Variants in ARHGAP28 observed in about 807,000 individuals in gnomAD.
The protein encoded by ARHGAP28 is Rho GTPase activating protein 28, also known as rho GTPase-activating protein 28.
ARHGAP28 carries 56 observed loss-of-function variants against 90.7 expected under a neutral mutation model. The observed-to-expected ratio is 0.62, with a 90% CI of 0.50 to 0.77. The LOEUF (loss-of-function observed/expected upper bound fraction) is 0.77. Ranked by LOEUF, ARHGAP28 falls within the 30% of genes least tolerant of loss-of-function variation. The probability of loss-of-function intolerance (pLI) is 0.00; values close to 1 mark genes in which losing one functional copy is unlikely to be tolerated. For synonymous variants in ARHGAP28, 308 were observed against 323.3 expected (o/e 0.95, Z 0.51); for missense variants, 869 against 900.9 (o/e 0.96, Z 0.45).
rs1187204751 is a variant in ARHGAP28 at position 6,876,156 on chromosome 18, G to A, written c.1238G>A (p.Gly413Asp). 2 of 1,613,870 alleles carry A rather than the reference G, an allele frequency of 1.2e-6. No homozygotes were observed. Among genetic ancestry groups the A allele is most frequent in the South Asian group, 1.1e-5 (1 of 91,078 alleles). ...TTTTTTGAGAAAGTTGAGGAATCAG[G>A]TCTGGAATCTGAAGGAATTTTTCGA... ...QKFFEKVEES[G>D]LESEGIFRLS... Residue 413 changes from glycine to aspartate, a missense_variant, in exon 10 of 18, where the codon GGT (glycine) becomes GAT (aspartate). Coordinates refer to ENST00000383472, the MANE Select transcript of ARHGAP28 (RefSeq NM_001366230.1).
intron 1 of ARHGAP28, among the ~76,000 whole-genome samples, chr18:6,782,592 ATTT>A (rs10602816): frequency 3.7e-5 from 1 of 26,690 alleles, no homozygotes; most frequent in African/African-American, 9.9e-5. Flanking sequence ...TAATTTTTGT[ATTT>A]TTTTTTTTTT....
At chr18:6,896,242 C>G (rs537475327) in intron 15 of ARHGAP28, among the ~76,000 whole-genome samples, 1 of 152,248 alleles carries the variant, frequency 6.6e-6, no homozygotes, top group African/African-American at 2.4e-5. Context: ...TTGTCATAAC[C>G]CAGTTTTTCC....
chr18:6,786,457 G>A (rs2056365456), intron 1 of ARHGAP28, among the ~76,000 whole-genome samples: 1 of 152,106 alleles, frequency 6.6e-6, no homozygotes, highest in South Asian at 2.1e-4. Flanking sequence ...GCAGTCCTCA[G>A]GAAGGAAGAG....
intron 1 of ARHGAP28, among the ~76,000 whole-genome samples, chr18:6,782,570 A>G (rs969295411): frequency 7.4e-6 from 1 of 135,302 alleles, no homozygotes; most frequent in Non-Finnish European, 1.5e-5. Context: ...GGCACCTGCC[A>G]TCACGCCCAG....
At chr18:6,849,312 A>G (rs1198369545) in intron 3 of ARHGAP28, among the ~76,000 whole-genome samples, 2 of 151,840 alleles carry the variant, frequency 1.3e-5, no homozygotes, top group Non-Finnish European at 2.9e-5. Context: ...ACACATGAAG[A>G]AACTTCTCAC....
chr18:6,898,428 G>A, intron 16 of ARHGAP28: 2 of 1,461,360 alleles, frequency 1.4e-6, no homozygotes, highest in Non-Finnish European at 1.9e-6. Context: ...TTTTCCACTT[G>A]CTCCAAGAAT....
At chr18:6,841,140 CACTGTCTCTCTCCTCTT>C (rs1395860491) in intron 3 of ARHGAP28, among the ~76,000 whole-genome samples, 35 of 138,318 alleles carry the variant, frequency 2.5e-4, no homozygotes, top group African/African-American at 8.7e-4. Flanking sequence ...TCTCCTCTCT[CACTGTCTCTCTCCTCTT>C]TCTCTCTCTC....
In ARHGAP28 at chr18:6,912,100, A is replaced by G. The variant is rs77144998; in HGVS notation, c.2136A>G (p.Val712=). 4,181 of 1,609,300 alleles carry G rather than the reference A, an allele frequency of 2.6e-3. 96 individuals carry two copies. The African/African-American group carries it at 0.045, about 17-fold the overall frequency. Residue 712 remains valine, a synonymous_variant, in exon 18 of 18, where the codon GTA becomes GTG. Coordinates refer to ENST00000383472, the MANE Select transcript of ARHGAP28 (RefSeq NM_001366230.1). ...CLDPDAYILD[V]YRINPQAEWV... is the part of the protein sequence containing the mutation. ...ATCCAGATGCTTATATATTGGATGT[A>G]TATCGTATAAATCCTCAAGCAGAAT...
rs1437705395 is a variant in ARHGAP28, at chr18:6,870,603, G to A, written c.825G>A (p.Leu275=). 2.5e-6 allele frequency: 4 copies of A among 1,611,136 alleles called. No individual in the cohort carries two copies. The highest frequency in any genetic ancestry group is 3.4e-6 in the Non-Finnish European group (4 of 1,178,416). The change falls in exon 7 of 18, where the codon CTG becomes CTA. Residue 275 remains leucine (L), a synonymous_variant. Coordinates refer to ENST00000383472, the MANE Select transcript of ARHGAP28 (RefSeq NM_001366230.1). ...VQNAISDDDF[L]EKNIPPEAEE... Reference sequence around the variant, plus strand: ...TTTTGTCTTTAGATGATGATTTTCTGGAAAAGAACATTCCACCAGAGGCTG... The same window carrying A: ...TTTTGTCTTTAGATGATGATTTTCTAGAAAAGAACATTCCACCAGAGGCTG...
intron 1 of ARHGAP28, among the ~76,000 whole-genome samples, chr18:6,816,686 G>A (rs115621961): frequency 1.4e-3 from 207 of 152,284 alleles, no homozygotes; most frequent in African/African-American, 4.7e-3. Flanking sequence ...CCCTGTACAT[G>A]TAGGTGGGGA....
rs8084111 is a variant in ARHGAP28, at chr18:6,783,819, A to T, written c.123-40943A>T. On this transcript the variant is annotated intron_variant, in intron 1 of 17. Transcript: ENST00000383472. ...ATGTTTATTCCCCTTTCCCATCCCT[A>T]GGAAAACTGCGTTCCTCTATTCTGT... 9.5e-4 allele frequency among the ~76,000 whole-genome samples: 144 copies of T among 152,014 alleles called. 1 individual carries two copies. Among genetic ancestry groups the T allele is most frequent in the African/African-American group, 3.3e-3 (136 of 41,448 alleles).
Position 6,837,325 on chromosome 18 carries a change from A to T in ARHGAP28, c.454A>T (p.Arg152Ter). The T allele has an allele frequency of 1.2e-6, 2 of 1,613,878 alleles. No individual in the cohort carries two copies. Among genetic ancestry groups the T allele is most frequent in the Non-Finnish European group, 1.7e-6 (2 of 1,179,982 alleles). ...AACCCAAGCAGCTGCCGTGCAAAAG[A>T]GATACCATACCTATACCCAAACCAT... ...TRTQAAAVQK[R>*]YHTYTQTMRK... The change falls in exon 3 of 18, where the codon AGA becomes TGA. Residue 152 changes from arginine (R) to a stop codon, truncating the protein, a stop_gained. Transcript: ENST00000383472. LOFTEE classifies it high-confidence loss of function.
At chr18:6,873,798 G>A (rs748170869) in intron 9 of ARHGAP28, 23 bp downstream of exon 9, 1 of 1,589,624 alleles carries the variant, frequency 6.3e-7, no homozygotes, top group Non-Finnish European at 8.6e-7. Context: ...CAAATGAAAG[G>A]GGAATTCACA....
At chr18:6,859,414 A>G (rs1409935859) in intron 4 of ARHGAP28, among the ~76,000 whole-genome samples, 1 of 152,186 alleles carries the variant, frequency 6.6e-6, no homozygotes, top group Non-Finnish European at 1.5e-5. Flanking sequence ...CATGTATCAA[A>G]TGAACCTATA....
intron 1 of ARHGAP28, among the ~76,000 whole-genome samples, chr18:6,730,304 G>A (rs1418152963): frequency 6.7e-6 from 1 of 149,520 alleles, no homozygotes; most frequent in Non-Finnish European, 1.5e-5. Flanking sequence ...TGAAACACAA[G>A]CAGCACATGA....
intron 3 of ARHGAP28, among the ~76,000 whole-genome samples, chr18:6,841,202 T>TCTCC (rs1567966823): frequency 4.2e-5 from 2 of 47,370 alleles, no homozygotes; most frequent in African/African-American, 1.1e-4. Flanking sequence ...TCTCTCTCTC[T>TCTCC]CCTCTCCTCT....
At chr18:6,825,313 TTTG>T (rs1169324265) in intron 2 of ARHGAP28, among the ~76,000 whole-genome samples, 1 of 152,188 alleles carries the variant, frequency 6.6e-6, no homozygotes, top group Non-Finnish European at 1.5e-5. Context: ...TGTCTACTCA[TTTG>T]TTATTATTAA....
At position 6,841,208 on chromosome 18, in the gene ARHGAP28, C is replaced by CTCTCTCTCTCTCTCT. The variant is rs1555631529; in HGVS notation, c.543+3794_543+3795insTCTCTCTCTCTCTCT. 2.4e-3 allele frequency among the ~76,000 whole-genome samples: 104 copies of CTCTCTCTCTCTCTCT among 43,094 alleles called. 4 individuals are homozygous for CTCTCTCTCTCTCTCT. The highest frequency in any genetic ancestry group is 8.9e-3 in the Admixed American group (31 of 3,482). 28.3% of individuals were successfully genotyped at this position (43,094 alleles called of 152,430 possible). A position where few individuals can be genotyped will look rare whatever the true frequency, so the allele number is the denominator to read the frequency against. On this transcript the variant is annotated intron_variant, in intron 3 of 17. Coordinates refer to ENST00000383472, the MANE Select transcript of ARHGAP28 (RefSeq NM_001366230.1). ...CTCTCTCTCTCTCTCTCTCTCCTCTCCTCTCTCTCTCTCTCCCCCCAACCC... is the reference window on the plus strand; with the variant it reads ...CTCTCTCTCTCTCTCTCTCTCCTCTCTCTCTCTCTCTCTCTCTCTCTCTCTCTCTCCCCCCAACCC...
intron 1 of ARHGAP28, among the ~76,000 whole-genome samples, chr18:6,777,401 A>G (rs188730805): frequency 1.3e-5 from 2 of 152,278 alleles, no homozygotes; most frequent in Admixed American, 6.5e-5. Context: ...GACATACTGA[A>G]GAGTCAGAGC....
Sources: gnomAD v4.1 joint callset for allele counts (sites outside exome capture counted in the v4.1 genomes callset) on GRCh38, gnomAD v4.1.1 for gene constraint, MANE v1.5 for transcripts, NCBI Gene and HGNC (gene_info 2026-07-23, HGNC 2026-07-21) for gene names.